The following DLGAP2 variants were observed in gnomAD, a reference collection of about 807,000 sequenced individuals.
DLGAP2 encodes disks large-associated protein 2.
Under a neutral mutation model 100.3 loss-of-function variants are expected in DLGAP2, and 26 were observed. The observed-to-expected ratio is 0.26, with a 90% CI of 0.19 to 0.36. DLGAP2 has a LOEUF of 0.36. Ranked by LOEUF, DLGAP2 falls within the 10% of genes least tolerant of loss-of-function variation. The pLI, the probability that DLGAP2 is intolerant of heterozygous loss-of-function variation, is 1.00. For synonymous variants in DLGAP2, 886 were observed against 630.1 expected, an observed-to-expected ratio of 1.41 and a Z score of -6.08; for missense variants, 1,858 against 1,453.2, an observed-to-expected ratio of 1.28 and a Z score of -4.53.
chr8:959,480 T>G (rs1044087608), intron 2 of DLGAP2, among the ~76,000 whole-genome samples: 9 of 152,346 alleles, frequency 5.9e-5, no homozygotes, highest in Middle Eastern at 3.4e-3. Context: ...GAATGTGGTC[T>G]TGAAGAGCTT....
chr8:1,118,799 A>G (rs1795962730), intron 2 of DLGAP2, among the ~76,000 whole-genome samples: 2 of 152,210 alleles, frequency 1.3e-5, no homozygotes. Flanking sequence ...ACCTTGGGTG[A>G]GTTCTTCATG....
At chr8:1,690,313 G>T (rs901438583) in intron 12 of DLGAP2, among the ~76,000 whole-genome samples, 1 of 151,720 alleles carries the variant, frequency 6.6e-6, no homozygotes, top group Non-Finnish European at 1.5e-5. Context: ...CCAAGATGAC[G>T]CCACTGCAGT....
chr8:1,539,616 T>C (rs188501748), intron 4 of DLGAP2, among the ~76,000 whole-genome samples: 52 of 151,664 alleles, frequency 3.4e-4, no homozygotes, highest in African/African-American at 9.7e-4. Context: ...GGCCCCACTT[T>C]CCTGTTTGAA....
At chr8:794,366 G>A (rs921632699) in intron 1 of DLGAP2, among the ~76,000 whole-genome samples, 11 of 152,108 alleles carry the variant, frequency 7.2e-5, no homozygotes, top group Admixed American at 5.9e-4. Flanking sequence ...GGGAAATCAG[G>A]GTTCTCACAG....
intron 3 of DLGAP2, among the ~76,000 whole-genome samples, chr8:1,373,278 C>T (rs1373584638): frequency 1.3e-5 from 2 of 151,680 alleles, no homozygotes; most frequent in East Asian, 1.9e-4. Flanking sequence ...GCGCGTGCGG[C>T]CCGGAGGGTG....
chr8:1,631,977 A>G (rs1022454013), intron 7 of DLGAP2, among the ~76,000 whole-genome samples: 1 of 152,182 alleles, frequency 6.6e-6, no homozygotes, highest in Non-Finnish European at 1.5e-5. Context: ...GTATCTGCCA[A>G]CATAATCCAG....
chr8:957,297 T>C (rs1170896590), intron 2 of DLGAP2, among the ~76,000 whole-genome samples: 5 of 152,196 alleles, frequency 3.3e-5, no homozygotes, highest in African/African-American at 1.2e-4. Context: ...CGGATGACCC[T>C]GGAAGAGGAG....
At chr8:897,832 G>C (rs558215494) in intron 1 of DLGAP2, among the ~76,000 whole-genome samples, 1 of 152,260 alleles carries the variant, frequency 6.6e-6, no homozygotes, top group Non-Finnish European at 1.5e-5. Flanking sequence ...GGTGCTCTCC[G>C]TGCGGGGTTG....
chr8:1,526,954 G>C (rs981718258), intron 4 of DLGAP2, among the ~76,000 whole-genome samples: 6 of 152,228 alleles, frequency 3.9e-5, no homozygotes, highest in Admixed American at 2.0e-4. Flanking sequence ...GTGTGGCCTC[G>C]AGTTAGGCTG....
intron 1 of DLGAP2, among the ~76,000 whole-genome samples, chr8:844,727 T>C (rs1397927395): frequency 1.3e-5 from 2 of 152,232 alleles, no homozygotes; most frequent in African/African-American, 2.4e-5. Flanking sequence ...ACAAATTTAC[T>C]TATCTGTAAC....
intron 2 of DLGAP2, among the ~76,000 whole-genome samples, chr8:1,164,871 C>G (rs1563224935): frequency 6.6e-6 from 1 of 152,178 alleles, no homozygotes; most frequent in Non-Finnish European, 1.5e-5. Context: ...TCCAGTCTCT[C>G]TGTGGTCTCA....
intron 6 of DLGAP2, among the ~76,000 whole-genome samples, chr8:1,610,424 C>T (rs887774262): frequency 3.3e-5 from 5 of 150,356 alleles, no homozygotes; most frequent in African/African-American, 9.8e-5. Context: ...TGAATGCCCA[C>T]AAGAGAAAGC....
intron 2 of DLGAP2, among the ~76,000 whole-genome samples, chr8:1,219,841 G>A (rs978208096): frequency 1.3e-5 from 2 of 152,096 alleles, no homozygotes; most frequent in African/African-American, 4.8e-5. Context: ...AATCTTGGGA[G>A]ATGGTATGCT....
At chr8:908,076 T>A (rs1205716515) in intron 2 of DLGAP2, 110 bp downstream of exon 2, 1 of 394,918 alleles carries the variant, frequency 2.5e-6, no homozygotes, top group African/African-American at 2.1e-5. Context: ...ATTTTGTGGG[T>A]TGTTTTTAGT....
chr8:1,217,077 C>T (rs886895035), intron 2 of DLGAP2, among the ~76,000 whole-genome samples: 4 of 152,028 alleles, frequency 2.6e-5, no homozygotes, highest in East Asian at 1.9e-4. Context: ...GCATAGTACC[C>T]GATAGGTGGT....
At chr8:1,226,427 G>T (rs956246384) in intron 2 of DLGAP2, among the ~76,000 whole-genome samples, 2 of 152,060 alleles carry the variant, frequency 1.3e-5, no homozygotes, top group Non-Finnish European at 2.9e-5. Context: ...CAATGAGAAG[G>T]TATGGACACA....
chr8:1,197,444 G>A (rs1797775929), intron 2 of DLGAP2, among the ~76,000 whole-genome samples: 2 of 152,204 alleles, frequency 1.3e-5, no homozygotes, highest in Admixed American at 1.3e-4. Flanking sequence ...TAGAAAAAGG[G>A]CTACTTCATA....
intron 7 of DLGAP2, among the ~76,000 whole-genome samples, chr8:1,628,518 G>A (rs1466595255): frequency 1.3e-5 from 2 of 148,458 alleles, no homozygotes; most frequent in Non-Finnish European, 3.0e-5. Context: ...GGAATTAAGA[G>A]CCTGAGCTGA....
At chr8:1,116,648 G>C (rs896775092) in intron 2 of DLGAP2, among the ~76,000 whole-genome samples, 1 of 151,812 alleles carries the variant, frequency 6.6e-6, no homozygotes, top group Non-Finnish European at 1.5e-5. Context: ...AATAAAAACA[G>C]TTAGCCACAC....
Sources: allele counts gnomAD v4.1 joint callset (sites outside exome capture counted in the v4.1 genomes callset), GRCh38; gene constraint gnomAD v4.1.1; transcripts MANE v1.5; gene names NCBI Gene and HGNC (gene_info 2026-07-23, HGNC 2026-07-21).